PTPRZ1: variants seen among roughly 807,000 people sequenced by gnomAD.
PTPRZ1 encodes protein tyrosine phosphatase receptor type Z1.
A neutral mutation model predicts 214.1 loss-of-function variants in PTPRZ1; 82 were observed. The observed-to-expected ratio is 0.38, with a 90% CI of 0.32 to 0.46. PTPRZ1 has a LOEUF of 0.46. PTPRZ1 is among the 20% of genes least tolerant of loss of function. The pLI is 1.00. For missense variants in PTPRZ1, 2,603 were observed against 2,748.7 expected (o/e 0.95, Z 1.19); for synonymous variants, 945 against 987.9 (o/e 0.96, Z 0.81).
intron 1 of PTPRZ1, among the ~76,000 whole-genome samples, chr7:121,880,205 T>C (rs1794194876): frequency 6.6e-6 from 1 of 152,212 alleles, no homozygotes; most frequent in South Asian, 2.1e-4. Flanking sequence ...TTATTTTGGG[T>C]ACTGGTTAAT....
chr7:121,953,332 A>G (rs982381657), intron 2 of PTPRZ1, among the ~76,000 whole-genome samples: 2 of 152,218 alleles, frequency 1.3e-5, no homozygotes, highest in Non-Finnish European at 2.9e-5. Flanking sequence ...ATGAGTGTCT[A>G]TCAAACTTTC....
rs960890968 is a variant in PTPRZ1, at chr7:122,033,463, T to TA, written c.5167-625dup. The stretch of plus-strand genomic sequence containing the variant: ...TGAAAGCATATTAACTCATTTTTAA[T>TA]AAAAAAATGGGCAGAAATAAATTTT... On this transcript the variant is annotated intron_variant, in intron 15 of 29. Coordinates refer to ENST00000393386, the MANE Select transcript of PTPRZ1 (RefSeq NM_002851.3). 1.4e-4 allele frequency among the ~76,000 whole-genome samples: 22 copies of TA among 151,796 alleles called. No homozygotes were observed. In the South Asian group the frequency reaches 1.5e-3, roughly 10 times the overall value.
chr7:121,956,005 A>G (rs1796693777), intron 2 of PTPRZ1, among the ~76,000 whole-genome samples: 2 of 152,062 alleles, frequency 1.3e-5, no homozygotes, highest in African/African-American at 4.8e-5. Context: ...CTTTTTAAAA[A>G]TTACCTTTCT....
Position 122,061,127 on chromosome 7 carries a change from A to G in PTPRZ1, c.6855A>G (p.Thr2285=), listed in dbSNP as rs1290924210. The G allele has an allele frequency of 6.2e-7, 1 of 1,610,342 alleles. No homozygotes were observed. Among genetic ancestry groups the G allele is most frequent in the Non-Finnish European group, 8.5e-7 (1 of 1,177,534 alleles). Residue 2285 remains threonine (T), a synonymous_variant, in exon 30 of 30, where the codon ACA becomes ACG. Coordinates refer to ENST00000393386, the MANE Select transcript of PTPRZ1 (RefSeq NM_002851.3). ...AAGTGATCCTCAGCCTTGTGAGCAC[A>G]AGGCAGGAAGAGAATCCATCCACCT... ...LYKVILSLVS[T]RQEENPSTSL...
At chr7:122,047,892 G>A (rs539990030) in intron 23 of PTPRZ1, among the ~76,000 whole-genome samples, 1 of 152,188 alleles carries the variant, frequency 6.6e-6, no homozygotes, top group East Asian at 1.9e-4. Context: ...GAGCTCAATC[G>A]ATCTGCCTGC....
chr7:121,914,699 T>G (rs555223315), intron 1 of PTPRZ1, among the ~76,000 whole-genome samples: 53 of 152,272 alleles, frequency 3.5e-4, no homozygotes, highest in African/African-American at 1.2e-3. Context: ...TTGTAAAAAA[T>G]GTAGTTAAAG....
intron 13 of PTPRZ1, among the ~76,000 whole-genome samples, chr7:122,020,660 T>C (rs1798987723): frequency 1.3e-5 from 2 of 152,194 alleles, no homozygotes; most frequent in Admixed American, 6.5e-5. Flanking sequence ...TCAACTGTAT[T>C]TCATATCTGA....
rs560717512 is a variant in PTPRZ1, at chr7:122,038,557, T to A, written c.5368-198T>A. 7.4e-5 allele frequency among the ~76,000 whole-genome samples: 11 copies of A among 149,606 alleles called. No homozygotes were observed. In the South Asian group the frequency reaches 2.4e-3, roughly 32 times the overall value. On this transcript the variant is annotated intron_variant, in intron 18 of 29. Coordinates refer to ENST00000393386, the MANE Select transcript of PTPRZ1 (RefSeq NM_002851.3). ...TTTACAAAAATGATAGGGATCCTTCTGCTTCCTAACCAAGAGTATTTTCTA... is the reference window on the plus strand; with the variant it reads ...TTTACAAAAATGATAGGGATCCTTCAGCTTCCTAACCAAGAGTATTTTCTA...
intron 1 of PTPRZ1, chr7:121,908,363 GGAA>G: frequency 1.0e-5 from 3 of 297,934 alleles, no homozygotes; most frequent in South Asian, 3.1e-5. Flanking sequence ...CAATCCCTTT[GGAA>G]AAGAATATCA....
chr7:122,005,822 T>G (rs1798468944), intron 11 of PTPRZ1, among the ~76,000 whole-genome samples: 1 of 152,044 alleles, frequency 6.6e-6, no homozygotes, highest in Admixed American at 6.6e-5. Context: ...GTCTTTTATA[T>G]AAGTATTACA....
At chr7:121,934,059 C>G (rs564784921) in intron 2 of PTPRZ1, among the ~76,000 whole-genome samples, 49 of 152,092 alleles carry the variant, frequency 3.2e-4, no homozygotes, top group African/African-American at 1.1e-3. Flanking sequence ...TATACTCTAC[C>G]CTGTTGACCA....
intron 2 of PTPRZ1, among the ~76,000 whole-genome samples, chr7:121,955,063 A>C (rs1796663175): frequency 6.6e-6 from 1 of 152,230 alleles, no homozygotes; most frequent in Admixed American, 6.5e-5. Context: ...GCTGTGGTTT[A>C]GCAGAGGTCC....
Position 122,059,890 on chromosome 7 carries a change from T to C in PTPRZ1, c.6807+2T>C. On this transcript the variant is annotated splice_donor_variant, in intron 29 of 29. Coordinates refer to ENST00000393386, the MANE Select transcript of PTPRZ1 (RefSeq NM_002851.3). LOFTEE classifies it high-confidence loss of function. ...AGGCCAGGAGTCTTTGCTGACATTG[T>C]AAGTAACAAGGCAGTGAACGAAATT... is the stretch of plus-strand genomic sequence containing the variant. 1 of 1,608,388 alleles carries C rather than the reference T, an allele frequency of 6.2e-7. No homozygotes were observed. Among genetic ancestry groups the C allele is most frequent in the South Asian group, 1.1e-5 (1 of 89,640 alleles).
intron 1 of PTPRZ1, among the ~76,000 whole-genome samples, chr7:121,916,576 G>A (rs573452949): frequency 3.9e-4 from 60 of 152,334 alleles, no homozygotes; most frequent in African/African-American, 1.4e-3. Flanking sequence ...CTAATGGGAT[G>A]TATTCTCCAA....
intron 2 of PTPRZ1, among the ~76,000 whole-genome samples, chr7:121,959,478 AC>A (rs1796812628): frequency 6.6e-6 from 1 of 152,246 alleles, no homozygotes; most frequent in African/African-American, 2.4e-5. Context: ...GCATGGAAAC[AC>A]ATCCTCATTC....
chr7:122,010,858 C>G lies in PTPRZ1; in HGVS notation c.1812C>G (p.Ser604=), dbSNP rs1468713731. The stretch of plus-strand genomic sequence containing the variant: ...TCCCATTCATCTCTGAGAACATATC[C>G]CAAGGGTATATATTTTCCTCCGAAA... The part of the protein sequence containing the change: ...SAIPFISENI[S]QGYIFSSENP... The change falls in exon 12 of 30, where the codon TCC becomes TCG. Residue 604 remains serine (S), a synonymous_variant. Transcript: ENST00000393386. 2 of 1,613,904 alleles carry G rather than the reference C, an allele frequency of 1.2e-6. No individual in the cohort carries two copies. The highest frequency in any genetic ancestry group is 1.7e-6 in the Non-Finnish European group (2 of 1,180,004).
chr7:121,932,696 C>T (rs191632580), intron 2 of PTPRZ1, among the ~76,000 whole-genome samples: 2 of 152,182 alleles, frequency 1.3e-5, no homozygotes, highest in African/African-American at 4.8e-5. Flanking sequence ...AGAAATATTA[C>T]ATTACACATC....
chr7:122,041,676 A>G (rs1202536673), intron 21 of PTPRZ1, among the ~76,000 whole-genome samples: 6 of 152,232 alleles, frequency 3.9e-5, no homozygotes, highest in Non-Finnish European at 8.8e-5. Context: ...ACTGTGTGCC[A>G]AGCCTTAGAT....
intron 1 of PTPRZ1, among the ~76,000 whole-genome samples, chr7:121,884,185 T>G (rs1794327483): frequency 6.6e-6 from 1 of 152,176 alleles, no homozygotes; most frequent in African/African-American, 2.4e-5. Flanking sequence ...ATAGAAGTAT[T>G]TGGTTACTGT....
Sources: allele counts gnomAD v4.1 joint callset (sites outside exome capture counted in the v4.1 genomes callset), GRCh38; gene constraint gnomAD v4.1.1; transcripts MANE v1.5; gene names NCBI Gene and HGNC (gene_info 2026-07-23, HGNC 2026-07-21).